The following PBX4 variants were observed in gnomAD, a reference collection of about 807,000 sequenced individuals.
PBX4 encodes PBX homeobox 4.
In PBX4, 26 loss-of-function variants were observed where a neutral mutation model predicts 35.1. The observed-to-expected ratio is 0.74, with a 90% CI of 0.54 to 1.03. The LOEUF (loss-of-function observed/expected upper bound fraction) is 1.03. Among genes scored for constraint, PBX4 ranks in the 50% least tolerant of loss-of-function variants. PBX4 has a pLI of 0.00. For synonymous variants in PBX4, 199 were observed against 204.2 expected (o/e 0.97, Z 0.22); for missense variants, 448 against 504.3 (o/e 0.89, Z 1.07).
chr19:19,592,880 T>C (rs953927691), intron 2 of PBX4, among the ~76,000 whole-genome samples: 2 of 152,076 alleles, frequency 1.3e-5, no homozygotes, highest in Admixed American at 1.3e-4. Context: ...GTCCCTTTCA[T>C]GAGTGAGGAC....
chr19:19,580,584 G>A (rs1199861680), intron 2 of PBX4, among the ~76,000 whole-genome samples: 1 of 152,202 alleles, frequency 6.6e-6, no homozygotes, highest in East Asian at 1.9e-4. Flanking sequence ...AAGAGCCAAA[G>A]GTAATAAGGA....
At chr19:19,599,864 T>A (rs1056521675) in intron 1 of PBX4, among the ~76,000 whole-genome samples, 1 of 101,814 alleles carries the variant, frequency 9.8e-6, no homozygotes, top group Non-Finnish European at 2.6e-5. Flanking sequence ...TCCCAGTTAC[T>A]CAGGAGGCTG....
rs750560428 is a variant in PBX4 at position 19,570,072 on chromosome 19, C to G, written c.632+37G>C. ...ACTATTTCCCTCCAGTCCCTCAGAG[C>G]CGGCCCTTGAGGTTTTGGGTACGTA... On this transcript the variant is annotated intron_variant, in intron 4 of 7. Coordinates refer to ENST00000251203, the MANE Select transcript of PBX4 (RefSeq NM_025245.3). 4 of 1,538,766 alleles carry G rather than the reference C, an allele frequency of 2.6e-6. No individual in the cohort carries two copies. The Admixed American group carries it at 7.6e-5, about 29-fold the overall frequency.
At chr19:19,573,177 T>C (rs1415773703) in intron 2 of PBX4, among the ~76,000 whole-genome samples, 1 of 151,672 alleles carries the variant, frequency 6.6e-6, no homozygotes, top group Non-Finnish European at 1.5e-5. Context: ...TGATGGCACA[T>C]GCCTGTAATC....
Position 19,563,442 on chromosome 19 carries a change from G to T in PBX4, c.1032+67C>A. ...GCTGCCCCAAGGCCGAGGGGTGGCT[G>T]ACAAGACGACCCTTTCTGAGAACCT... On this transcript the variant is annotated intron_variant, in intron 7 of 7. Transcript: ENST00000251203. This position sits in a 1 kb window ranked among gnomAD's most constrained non-coding sequence, Gnocchi z 5.1. The T allele has an allele frequency of 1.5e-6, 2 of 1,320,534 alleles. No individual in the cohort carries two copies. Among genetic ancestry groups the T allele is most frequent in the Non-Finnish European group, 2.1e-6 (2 of 967,248 alleles). 81.8% of individuals were successfully genotyped at this position (1,320,534 alleles called of 1,614,324 possible).
intron 1 of PBX4, among the ~76,000 whole-genome samples, chr19:19,603,995 T>C (rs12611058): frequency 0.18 from 27,890 of 151,332 alleles, 3,228 homozygotes; most frequent in East Asian, 0.29. Context: ...TATGTGCATG[T>C]AGCAGAACTT....
In PBX4 at chr19:19,563,371, G is replaced by A; in HGVS notation, c.1032+138C>T. On this transcript the variant is annotated intron_variant, in intron 7 of 7. Transcript: ENST00000251203. This position sits in a 1 kb window ranked among gnomAD's most constrained non-coding sequence, Gnocchi z 5.1. ...GGCCCTGCAGAGCTGTGCCCCAGAG[G>A]TGGCCGCGCAGCATGGCCTGTGTGG... The A allele has an allele frequency of 6.2e-6, 4 of 640,548 alleles. No homozygotes were observed. The South Asian group carries it at 6.3e-5, about 10-fold the overall frequency. The allele number at this position is 640,548 out of a possible 1,614,324, so 39.7% of individuals were successfully genotyped here.
At chr19:19,577,816 G>A (rs966830695) in intron 2 of PBX4, among the ~76,000 whole-genome samples, 4 of 151,368 alleles carry the variant, frequency 2.6e-5, no homozygotes, top group Non-Finnish European at 4.4e-5. Flanking sequence ...CTGAGATCGC[G>A]CCAGTGCACT....
intron 1 of PBX4, among the ~76,000 whole-genome samples, chr19:19,609,474 G>A (rs1262820272): frequency 6.7e-6 from 1 of 149,662 alleles, no homozygotes; most frequent in East Asian, 2.0e-4. Flanking sequence ...GCTTGAACCC[G>A]GGAGGCGGAA....
At chr19:19,596,573 C>T (rs2061562412) in intron 2 of PBX4, among the ~76,000 whole-genome samples, 1 of 152,006 alleles carries the variant, frequency 6.6e-6, no homozygotes, top group African/African-American at 2.4e-5. Flanking sequence ...GCAATGAGCA[C>T]ATCAAAGGCC....
Position 19,576,054 on chromosome 19 carries a change from A to G in PBX4, c.194-5221T>C, listed in dbSNP as rs558374735. ...GTGTGTTCATGTGGGTGTGAAATGC[A>G]GGGCTGCCGCAGAATATGTGGCATT... On this transcript the variant is annotated intron_variant, in intron 2 of 7. Coordinates refer to ENST00000251203, the MANE Select transcript of PBX4 (RefSeq NM_025245.3). Among the ~76,000 whole-genome samples, 9 of 152,198 alleles carry G rather than the reference A, an allele frequency of 5.9e-5. No individual in the cohort carries two copies. The East Asian group carries it at 1.6e-3, about 26-fold the overall frequency.
At chr19:19,593,607 A>G (rs1204787028) in intron 2 of PBX4, among the ~76,000 whole-genome samples, 1 of 152,146 alleles carries the variant, frequency 6.6e-6, no homozygotes, top group Admixed American at 6.5e-5. Context: ...AGATACCTGG[A>G]CACTCCAGGT....
intron 2 of PBX4, among the ~76,000 whole-genome samples, chr19:19,587,795 C>T (rs911494606): frequency 2.6e-5 from 4 of 151,350 alleles, no homozygotes; most frequent in African/African-American, 9.7e-5. Flanking sequence ...TGAGGGAGCA[C>T]ATATCAATAT....
At chr19:19,609,850 C>CA (rs1274426351) in intron 1 of PBX4, among the ~76,000 whole-genome samples, 3 of 151,942 alleles carry the variant, frequency 2.0e-5, no homozygotes, top group Non-Finnish European at 4.4e-5. Context: ...GACTCCGTCT[C>CA]AAAAAAACTA....
chr19:19,605,416 AAATAAT>A lies in PBX4; in HGVS notation c.120-6057_120-6052del, dbSNP rs34936775. On this transcript the variant is annotated intron_variant, in intron 1 of 7. Coordinates refer to ENST00000251203, the MANE Select transcript of PBX4 (RefSeq NM_025245.3). ...GGTGACAGAACAAGACTCTGTCTCA[AAATAAT>A]AATAATAATAATAATAATAATAATA... 1.1e-3 allele frequency among the ~76,000 whole-genome samples: 150 copies of A among 139,360 alleles called. 1 individual carries two copies. The highest frequency in any genetic ancestry group is 3.5e-3 in the African/African-American group (132 of 37,880). The allele number at this position is 139,360 out of a possible 152,430, so 91.4% of individuals were successfully genotyped here.
chr19:19,599,800 C>T (rs938181947), intron 1 of PBX4, among the ~76,000 whole-genome samples: 9 of 152,260 alleles, frequency 5.9e-5, no homozygotes, highest in Non-Finnish European at 1.2e-4. Context: ...TGGTGAAACC[C>T]TGTCTCTACT....
Position 19,569,482 on chromosome 19 carries a change from CTCT to C in PBX4, c.732_734del (p.Glu245del). The C allele has an allele frequency of 6.2e-7, 1 of 1,613,384 alleles. No individual in the cohort carries two copies. Among genetic ancestry groups the C allele is most frequent in the Non-Finnish European group, 8.5e-7 (1 of 1,179,652 alleles). ...TGGTGAGGCCGCCCTTCCTGGCCAG[CTCT>C]TCTTTGGCTTCTTCGCTGGGGTAAG... On this transcript the variant is annotated inframe_deletion, in exon 5 of 8. Coordinates refer to ENST00000251203, the MANE Select transcript of PBX4 (RefSeq NM_025245.3).
chr19:19,590,832 T>A (rs1012593758), intron 2 of PBX4, among the ~76,000 whole-genome samples: 9 of 152,168 alleles, frequency 5.9e-5, no homozygotes, highest in Non-Finnish European at 1.2e-4. Context: ...AATCTGTATA[T>A]TTATATACAA....
intron 2 of PBX4, among the ~76,000 whole-genome samples, chr19:19,591,273 C>A (rs2061526165): frequency 6.6e-6 from 1 of 152,136 alleles, no homozygotes; most frequent in Non-Finnish European, 1.5e-5. Flanking sequence ...CCCAGGAAAG[C>A]CCCATGAGCA....
Sources: gnomAD v4.1 joint callset for allele counts (sites outside exome capture counted in the v4.1 genomes callset) on GRCh38, gnomAD v4.1.1 for gene constraint, Gnocchi (gnomAD v3.1) non-coding constraint, MANE v1.5 for transcripts, NCBI Gene and HGNC (gene_info 2026-07-23, HGNC 2026-07-21) for gene names.